The following CCDC186 variants were observed in gnomAD, a reference collection of about 807,000 sequenced individuals.
CCDC186 encodes coiled-coil domain containing 186, also known as coiled-coil domain-containing protein 186.
In CCDC186, 49 loss-of-function variants were observed where a neutral mutation model predicts 113.7. The ratio of observed to expected loss-of-function variants is 0.43; its 90% CI spans 0.34 to 0.55. CCDC186 has a LOEUF of 0.55. CCDC186 is among the 20% of genes least tolerant of loss of function. The pLI is 0.02. For missense variants in CCDC186, 890 were observed against 1,011.1 expected (o/e 0.88, Z 1.62); for synonymous variants, 355 against 345.8 (o/e 1.03, Z -0.30).
At position 114,144,539 on chromosome 10, in the gene CCDC186, C is replaced by G. The variant is rs2031576734; in HGVS notation, c.1179G>C (p.Lys393Asn). ...CAGCTTTTAATTTGTTTTGTGCCCACTTTACTTTGATGACGTGAGAGTTAA... is the reference window on the plus strand; with the variant it reads ...CAGCTTTTAATTTGTTTTGTGCCCAGTTTACTTTGATGACGTGAGAGTTAA... ...EDINSHVIKVKWAQNKLKAEM... is the reference protein window; with the variant it reads ...EDINSHVIKVNWAQNKLKAEM... The change falls in exon 6 of 16, where the codon AAG (lysine) becomes AAC (asparagine). Residue 393 changes from lysine to asparagine, a missense_variant. By Grantham distance (94) the Lys-to-Asn change is moderately conservative. Transcript: ENST00000369287. The G allele has an allele frequency of 1.2e-6, 2 of 1,613,368 alleles. No individual in the cohort carries two copies. Among genetic ancestry groups the G allele is most frequent in the Non-Finnish European group, 1.7e-6 (2 of 1,179,514 alleles).
At position 114,124,847 on chromosome 10, in the gene CCDC186, T is replaced by C. The variant is rs554341504; in HGVS notation, c.*296A>G. The C allele has an allele frequency of 3.8e-6, 1 of 266,184 alleles. No homozygotes were observed. The highest frequency in any genetic ancestry group is 7.0e-6 in the Non-Finnish European group (1 of 143,188). The allele number at this position is 266,184 out of a possible 1,614,324, so 16.5% of individuals were successfully genotyped here. On this transcript the variant is annotated 3_prime_UTR_variant, in exon 16 of 16. Coordinates refer to ENST00000369287, the MANE Select transcript of CCDC186 (RefSeq NM_018017.4). ...AGAAATATGAACAAAGGGTTTTTTA[T>C]AAAAGCCCTTGTAATGTTCAACACT...
chr10:114,147,593 A>G (rs1336196404), intron 4 of CCDC186, among the ~76,000 whole-genome samples: 1 of 152,206 alleles, frequency 6.6e-6, no homozygotes, highest in Non-Finnish European at 1.5e-5. Context: ...AAGTAGTTAT[A>G]AAAACAAAAA....
chr10:114,158,222 C>G (rs777096900), intron 2 of CCDC186, among the ~76,000 whole-genome samples: 1 of 152,174 alleles, frequency 6.6e-6, no homozygotes, highest in African/African-American at 2.4e-5. Context: ...AGTCTTGCTT[C>G]AGATTTTAAA....
Position 114,126,117 on chromosome 10 carries a change from A to T in CCDC186, c.2394-12T>A, listed in dbSNP as rs2030892178. 3 of 1,604,934 alleles carry T rather than the reference A, an allele frequency of 1.9e-6. No individual in the cohort carries two copies. The highest frequency in any genetic ancestry group is 1.7e-6 in the Non-Finnish European group (2 of 1,172,204). ...AACTTTGAATTATTCTGCAAAACAAAATGATAGTATCAGTTGTGTACTTGT... is the reference window on the plus strand; with the variant it reads ...AACTTTGAATTATTCTGCAAAACAATATGATAGTATCAGTTGTGTACTTGT... On this transcript the variant is annotated splice_polypyrimidine_tract_variant and intron_variant, in intron 14 of 15. Coordinates refer to ENST00000369287, the MANE Select transcript of CCDC186 (RefSeq NM_018017.4).
chr10:114,174,103 G>A lies in CCDC186; in HGVS notation c.-150C>T, dbSNP rs760627931. ...ACTTTTCCATAGCGGGGTCCAACCA[G>A]CCAAGAGTGGGAGGAAAAGACCGCG... On this transcript the variant is annotated 5_prime_UTR_variant, in exon 1 of 16. Transcript: ENST00000369287. 2.1e-6 allele frequency: 1 copy of A among 472,244 alleles called. No individual in the cohort carries two copies. 29.3% of individuals were successfully genotyped at this position (472,244 alleles called of 1,614,324 possible).
At chr10:114,142,930 T>C (rs995509340) in intron 6 of CCDC186, among the ~76,000 whole-genome samples, 1 of 152,172 alleles carries the variant, frequency 6.6e-6, no homozygotes, top group Non-Finnish European at 1.5e-5. Context: ...CAACATCCAA[T>C]AGGTAAATAC....
Position 114,121,274 on chromosome 10 carries a change from A to T in CCDC186, c.*3869T>A, listed in dbSNP as rs1367867628. ...TTGGTGTCAAAAAAAATTGCTTTTA[A>T]AAAAAGGTTATTGAAAAATAGGCTA... On this transcript the variant is annotated 3_prime_UTR_variant, in exon 16 of 16. Coordinates refer to ENST00000369287, the MANE Select transcript of CCDC186 (RefSeq NM_018017.4). The T allele has an allele frequency of 6.6e-6, 1 of 152,180 alleles. No homozygotes were observed. The highest frequency in any genetic ancestry group is 2.4e-5 in the African/African-American group (1 of 41,452). 9.4% of individuals were successfully genotyped at this position (152,180 alleles called of 1,614,324 possible). A position where few individuals can be genotyped will look rare whatever the true frequency, so the allele number is the denominator to read the frequency against.
chr10:114,155,517 A>C (rs1232686443), intron 3 of CCDC186, among the ~76,000 whole-genome samples: 5 of 152,132 alleles, frequency 3.3e-5, no homozygotes, highest in African/African-American at 4.8e-5. Context: ...TCTACCAAAA[A>C]TATAAAAACT....
intron 3 of CCDC186, among the ~76,000 whole-genome samples, chr10:114,152,366 AT>A (rs2031882261): frequency 6.6e-6 from 1 of 151,962 alleles, no homozygotes; most frequent in Non-Finnish European, 1.5e-5. Context: ...TGAAAAGGGC[AT>A]TCACTTGTCA....
chr10:114,132,797 G>C (rs1035257891), intron 10 of CCDC186, among the ~76,000 whole-genome samples: 1 of 152,170 alleles, frequency 6.6e-6, no homozygotes, highest in Non-Finnish European at 1.5e-5. Context: ...AACTGGGAAG[G>C]GAATAAGAGG....
intron 2 of CCDC186, 63 bp from the exon 3 acceptor site, chr10:114,157,743 G>A: frequency 7.7e-7 from 1 of 1,298,012 alleles, no homozygotes; most frequent in East Asian, 2.4e-5. Flanking sequence ...ATAATATGTG[G>A]AATATAATTT....
intron 1 of CCDC186, among the ~76,000 whole-genome samples, chr10:114,170,686 A>G (rs2032468252): frequency 6.6e-6 from 1 of 152,190 alleles, no homozygotes; most frequent in Admixed American, 6.5e-5. Context: ...AGTTTCCTTT[A>G]GTTCACCAGT....
At chr10:114,135,097 G>A in intron 9 of CCDC186, 42 bp from the exon 10 acceptor site, 2 of 1,552,842 alleles carry the variant, frequency 1.3e-6, no homozygotes, top group South Asian at 2.5e-5. Flanking sequence ...ATGTATTCTT[G>A]TTCTTTATAA....
chr10:114,146,587 T>G (rs890706056), intron 4 of CCDC186, among the ~76,000 whole-genome samples: 1 of 152,236 alleles, frequency 6.6e-6, no homozygotes, highest in African/African-American at 2.4e-5. Flanking sequence ...TATACTCATT[T>G]AAAAATTTTC....
chr10:114,123,518 T>A lies in CCDC186; in HGVS notation c.*1625A>T, dbSNP rs2030794137. On this transcript the variant is annotated 3_prime_UTR_variant, in exon 16 of 16. Coordinates refer to ENST00000369287, the MANE Select transcript of CCDC186 (RefSeq NM_018017.4). ...CAAACAATTCTTTACAGGCTTTTAA[T>A]CCATCATCCCAAAACTTAATTCCCT... The A allele has an allele frequency of 6.6e-6, 1 of 152,178 alleles. No homozygotes were observed. 9.4% of individuals were successfully genotyped at this position (152,178 alleles called of 1,614,324 possible).
At chr10:114,144,460 CATT>C in intron 6 of CCDC186, 34 bp downstream of exon 6, 2 of 1,564,578 alleles carry the variant, frequency 1.3e-6, no homozygotes, top group African/African-American at 2.8e-5. Flanking sequence ...CAAAAAAACT[CATT>C]CTAATCATTA....
At chr10:114,154,987 G>A (rs933200224) in intron 3 of CCDC186, among the ~76,000 whole-genome samples, 1 of 152,124 alleles carries the variant, frequency 6.6e-6, no homozygotes, top group Non-Finnish European at 1.5e-5. Context: ...ATAAAAAGGG[G>A]TACCTATTAT....
At position 114,151,098 on chromosome 10, in the gene CCDC186, C is replaced by T. The variant is rs763110732; in HGVS notation, c.882G>A (p.Met294Ile). 5.6e-6 allele frequency: 9 copies of T among 1,612,392 alleles called. No homozygotes were observed. The highest frequency in any genetic ancestry group is 1.7e-5 in the Admixed American group (1 of 59,648). Residue 294 changes from methionine to isoleucine, a missense_variant, in exon 4 of 16, where the codon ATG becomes ATA. By Grantham distance (10) the Met-to-Ile change is conservative. Coordinates refer to ENST00000369287, the MANE Select transcript of CCDC186 (RefSeq NM_018017.4). ...ACAACGATGTGAGAAATACCTGTTC[C>T]ATCCGTTGGGCCATCTCTTTGTGTA... is the stretch of plus-strand genomic sequence containing the variant. The part of the protein sequence containing the change: ...QQLHKEMAQR[M>I]EQANKKCEEA...
At chr10:114,163,567 T>C (rs1370532467) in intron 1 of CCDC186, among the ~76,000 whole-genome samples, 4 of 152,194 alleles carry the variant, frequency 2.6e-5, no homozygotes, top group Non-Finnish European at 5.9e-5. Context: ...GTCAAACAAC[T>C]TCATTAATTA....
Sources: allele counts gnomAD v4.1 joint callset (sites outside exome capture counted in the v4.1 genomes callset), GRCh38; gene constraint gnomAD v4.1.1; transcripts MANE v1.5; gene names NCBI Gene and HGNC (gene_info 2026-07-23, HGNC 2026-07-21).